Variants in KIF16B observed in about 807,000 individuals in gnomAD.
KIF16B encodes the protein kinesin family member 16B, also known as kinesin-like protein KIF16B.
Under a neutral mutation model 156.3 loss-of-function variants are expected in KIF16B, and 98 were observed. The observed-to-expected ratio is 0.63, with a 90% CI of 0.53 to 0.74. KIF16B has a LOEUF of 0.74. Ranked by LOEUF, KIF16B falls within the 30% of genes least tolerant of loss-of-function variation. The probability of loss-of-function intolerance (pLI) is 0.00; values close to 1 mark genes in which losing one functional copy is unlikely to be tolerated. For missense variants in KIF16B, 1,421 were observed against 1,606.5 expected (o/e 0.88, Z 1.97); for synonymous variants, 564 against 583.7 (o/e 0.97, Z 0.49).
intron 15 of KIF16B, among the ~76,000 whole-genome samples, chr20:16,419,019 T>TA (rs1221313907): frequency 6.6e-6 from 1 of 151,920 alleles, no homozygotes; most frequent in Non-Finnish European, 1.5e-5. Context: ...ATCACAGACA[T>TA]AAAAAACCCG....
intron 23 of KIF16B, among the ~76,000 whole-genome samples, chr20:16,345,351 G>T (rs1461358614): frequency 6.6e-6 from 1 of 152,154 alleles, no homozygotes; most frequent in Non-Finnish European, 1.5e-5. Flanking sequence ...AGCAATAAAA[G>T]AAATAATGGA....
At chr20:16,394,731 A>G (rs1448119007) in intron 17 of KIF16B, among the ~76,000 whole-genome samples, 5 of 152,196 alleles carry the variant, frequency 3.3e-5, no homozygotes, top group African/African-American at 1.2e-4. Flanking sequence ...TGAGCAAGAA[A>G]AAAAAAAGGA....
At chr20:16,528,579 G>A (rs952228876) in intron 1 of KIF16B, 139 bp from the exon 2 acceptor site, 20 of 643,048 alleles carry the variant, frequency 3.1e-5, no homozygotes, top group East Asian at 3.0e-4. Context: ...TCCCAGACAC[G>A]GCTCCTCCCA....
At chr20:16,367,157 T>A (rs778389575) in intron 22 of KIF16B, 1 of 1,597,848 alleles carries the variant, frequency 6.3e-7, no homozygotes, top group Admixed American at 1.7e-5. Flanking sequence ...TAGAGTCTTG[T>A]CAAATGTGAG....
chr20:16,466,728 C>A (rs1244680742), intron 12 of KIF16B, among the ~76,000 whole-genome samples: 1 of 152,082 alleles, frequency 6.6e-6, no homozygotes, highest in Non-Finnish European at 1.5e-5. Flanking sequence ...CACTCTAATA[C>A]AGGTGGACAC....
chr20:16,286,677 C>A (rs2063227093), intron 25 of KIF16B, among the ~76,000 whole-genome samples: 1 of 152,110 alleles, frequency 6.6e-6, no homozygotes, highest in Non-Finnish European at 1.5e-5. Flanking sequence ...GAGTGGAATC[C>A]ATTTCTGCCC....
intron 12 of KIF16B, among the ~76,000 whole-genome samples, chr20:16,483,790 T>C (rs2068043076): frequency 6.6e-6 from 1 of 152,150 alleles, no homozygotes. Flanking sequence ...AACCATCTCC[T>C]TGCTCCCTGG....
At chr20:16,373,786 G>A (rs2064878445) in intron 20 of KIF16B, among the ~76,000 whole-genome samples, 1 of 152,160 alleles carries the variant, frequency 6.6e-6, no homozygotes, top group African/African-American at 2.4e-5. Context: ...GAACAACACA[G>A]GTTTGAACAG....
chr20:16,362,336 C>T (rs2064567414), intron 22 of KIF16B, among the ~76,000 whole-genome samples: 1 of 151,978 alleles, frequency 6.6e-6, no homozygotes, highest in Admixed American at 6.6e-5. Flanking sequence ...ATGACTGTGT[C>T]TAAGCTTTCT....
intron 6 of KIF16B, among the ~76,000 whole-genome samples, chr20:16,510,656 A>T (rs2068929639): frequency 6.6e-6 from 1 of 152,150 alleles, no homozygotes; most frequent in East Asian, 1.9e-4. Flanking sequence ...CCCAAAAGAT[A>T]AAAAAAGGAA....
intron 17 of KIF16B, among the ~76,000 whole-genome samples, chr20:16,401,438 A>AT (rs1451345018): frequency 6.6e-6 from 1 of 152,224 alleles, no homozygotes; most frequent in Non-Finnish European, 1.5e-5. Flanking sequence ...ATTCCTCTGC[A>AT]TAATATGTCT....
intron 17 of KIF16B, among the ~76,000 whole-genome samples, chr20:16,386,076 T>C (rs2065223172): frequency 6.6e-6 from 1 of 152,112 alleles, no homozygotes; most frequent in African/African-American, 2.4e-5. Context: ...TGCAGGCCCT[T>C]ATCAAGGCTG....
At chr20:16,438,816 A>G (rs964117823) in intron 12 of KIF16B, among the ~76,000 whole-genome samples, 15 of 152,224 alleles carry the variant, frequency 9.9e-5, no homozygotes, top group African/African-American at 3.6e-4. Flanking sequence ...GTGAATAAAA[A>G]CAATACTGGT....
chr20:16,387,605 C>T (rs554019636), intron 17 of KIF16B, among the ~76,000 whole-genome samples: 2 of 152,278 alleles, frequency 1.3e-5, no homozygotes, highest in African/African-American at 4.8e-5. Context: ...TTCAAAGAAT[C>T]ACTGAAGATA....
At chr20:16,388,731 G>T (rs1028722756) in intron 17 of KIF16B, among the ~76,000 whole-genome samples, 2 of 151,066 alleles carry the variant, frequency 1.3e-5, no homozygotes, top group African/African-American at 4.9e-5. Flanking sequence ...TGTTATCATC[G>T]GCAATAAAAA....
At chr20:16,438,752 T>A (rs1199021612) in intron 12 of KIF16B, among the ~76,000 whole-genome samples, 1 of 152,126 alleles carries the variant, frequency 6.6e-6, no homozygotes, top group Non-Finnish European at 1.5e-5. Flanking sequence ...TCTCCTTCAT[T>A]CTCCTCCAGG....
At position 16,352,970 on chromosome 20, in the gene KIF16B, C is replaced by T. The variant is rs1169358563; in HGVS notation, c.3621+3360G>A. 2.0e-5 allele frequency among the ~76,000 whole-genome samples: 3 copies of T among 152,134 alleles called. No homozygotes were observed. The South Asian group carries it at 6.2e-4, about 32-fold the overall frequency. ...GCCCTGCTGGTCACAGAGGGCACAG[C>T]GTCTCACTGTGTGTACTCAGGACCA... On this transcript the variant is annotated intron_variant, in intron 23 of 25. Coordinates refer to ENST00000354981, the MANE Select transcript of KIF16B (RefSeq NM_024704.5).
At chr20:16,485,341 T>C (rs1237281162) in intron 12 of KIF16B, among the ~76,000 whole-genome samples, 1 of 151,856 alleles carries the variant, frequency 6.6e-6, no homozygotes, top group Non-Finnish European at 1.5e-5. Flanking sequence ...AGGCAGTTTG[T>C]TCTATAGAAA....
intron 17 of KIF16B, among the ~76,000 whole-genome samples, chr20:16,386,530 G>A (rs2065234739): frequency 6.6e-6 from 1 of 151,780 alleles, no homozygotes; most frequent in Admixed American, 6.6e-5. Flanking sequence ...GCGCTTTCTT[G>A]GTAGGTTTAG....
Sources: allele counts gnomAD v4.1 joint callset (sites outside exome capture counted in the v4.1 genomes callset), GRCh38; gene constraint gnomAD v4.1.1; transcripts MANE v1.5; gene names NCBI Gene and HGNC (gene_info 2026-07-23, HGNC 2026-07-21).